SDK1: variants seen among roughly 807,000 people sequenced by gnomAD.
The protein encoded by SDK1 is protein sidekick-1.
Under a neutral mutation model 245.5 loss-of-function variants are expected in SDK1, and 157 were observed. The observed-to-expected ratio is 0.64, with a 90% CI of 0.56 to 0.73. The LOEUF (loss-of-function observed/expected upper bound fraction) is 0.73, where lower values mean the gene tolerates loss of function less well. SDK1 is among the 30% of genes least tolerant of loss of function. The pLI, the probability that SDK1 is intolerant of heterozygous loss-of-function variation, is 0.00. For synonymous variants in SDK1, 1,647 were observed against 1,278.5 expected, an observed-to-expected ratio of 1.29 and a Z score of -6.15; for missense variants, 3,583 against 3,002.3, an observed-to-expected ratio of 1.19 and a Z score of -4.52.
At chr7:3,545,801 G>A (rs1015970658) in intron 1 of SDK1, among the ~76,000 whole-genome samples, 1 of 152,178 alleles carries the variant, frequency 6.6e-6, no homozygotes, top group African/African-American at 2.4e-5. Context: ...AAGCGAAAGG[G>A]TAATCAAATA....
intron 1 of SDK1, among the ~76,000 whole-genome samples, chr7:3,483,547 T>A (rs1781582429): frequency 6.6e-6 from 1 of 152,170 alleles, no homozygotes; most frequent in African/African-American, 2.4e-5. Context: ...GTCTCTAAAT[T>A]TTTATCTTAT....
At chr7:3,589,113 T>C (rs757472398) in intron 1 of SDK1, among the ~76,000 whole-genome samples, 9 of 152,244 alleles carry the variant, frequency 5.9e-5, no homozygotes, top group Non-Finnish European at 1.3e-4. Context: ...ACCCCCTTTT[T>C]AGAGATTTGG....
rs73293132 is a variant in SDK1, at chr7:3,433,331, G to C, written c.298+131447G>C. On this transcript the variant is annotated intron_variant, in intron 1 of 44. Transcript: ENST00000404826. ...AAAGGTGTGTGTTAGTTGATATTTG[G>C]TTTAGTCATTTCGTCTCTTGAGAGG... is the stretch of plus-strand genomic sequence containing the variant. Among the ~76,000 whole-genome samples the C allele has an allele frequency of 9.1e-3, 1,382 of 152,292 alleles. 26 individuals carry two copies. Among genetic ancestry groups the C allele is most frequent in the African/African-American group, 0.031 (1,302 of 41,550 alleles).
At chr7:4,164,411 A>G (rs1469649770) in intron 32 of SDK1, among the ~76,000 whole-genome samples, 1 of 151,736 alleles carries the variant, frequency 6.6e-6, no homozygotes, top group Non-Finnish European at 1.5e-5. Context: ...AGACCCCCAG[A>G]CCCGAGCTTC....
At chr7:3,369,617 G>A (rs879648969) in intron 1 of SDK1, among the ~76,000 whole-genome samples, 3 of 152,166 alleles carry the variant, frequency 2.0e-5, no homozygotes, top group Non-Finnish European at 4.4e-5. Context: ...AGAATAGGAT[G>A]TTGTATATAA....
At chr7:3,328,335 T>G (rs183169630) in intron 1 of SDK1, among the ~76,000 whole-genome samples, 2 of 152,142 alleles carry the variant, frequency 1.3e-5, no homozygotes, top group South Asian at 2.1e-4. Flanking sequence ...TCTACACTTA[T>G]GAGCTCTTAC....
chr7:3,699,399 A>C (rs1386372191), intron 4 of SDK1, among the ~76,000 whole-genome samples: 1 of 152,186 alleles, frequency 6.6e-6, no homozygotes, highest in Non-Finnish European at 1.5e-5. Context: ...AAAAGAGGCC[A>C]TTTCATCAAA....
Position 3,407,835 on chromosome 7 carries a change from C to T in SDK1, c.298+105951C>T, listed in dbSNP as rs538009274. On this transcript the variant is annotated intron_variant, in intron 1 of 44. Coordinates refer to ENST00000404826, the MANE Select transcript of SDK1 (RefSeq NM_152744.4). Reference sequence around the variant, plus strand: ...GGCAGAGAGGGCCTTGAAAACAAATCATTTAACTGCCACTTACTGAGTGAC... The same window carrying T: ...GGCAGAGAGGGCCTTGAAAACAAATTATTTAACTGCCACTTACTGAGTGAC... Among the ~76,000 whole-genome samples the T allele has an allele frequency of 4.6e-5, 7 of 152,220 alleles. No homozygotes were observed. The South Asian group carries it at 1.2e-3, about 27-fold the overall frequency.
At chr7:3,359,036 T>C (rs1780883137) in intron 1 of SDK1, among the ~76,000 whole-genome samples, 1 of 152,172 alleles carries the variant, frequency 6.6e-6, no homozygotes, top group African/African-American at 2.4e-5. Context: ...TCAGGGATTG[T>C]TTTTGGCATT....
At chr7:3,626,164 T>A (rs896703512) in intron 2 of SDK1, among the ~76,000 whole-genome samples, 6 of 151,862 alleles carry the variant, frequency 4.0e-5, no homozygotes, top group Non-Finnish European at 5.9e-5. Flanking sequence ...AGTCTTGAAC[T>A]CCTGGTCTCA....
At chr7:4,152,545 G>A (rs1051978323) in intron 30 of SDK1, among the ~76,000 whole-genome samples, 2 of 152,176 alleles carry the variant, frequency 1.3e-5, no homozygotes, top group Admixed American at 6.5e-5. Flanking sequence ...TCGTGTGTCC[G>A]GGACTTCATG....
chr7:4,154,537 G>A (rs1047605912), intron 30 of SDK1, among the ~76,000 whole-genome samples: 3 of 152,134 alleles, frequency 2.0e-5, no homozygotes, highest in Non-Finnish European at 4.4e-5. Flanking sequence ...ACAAGTGAGG[G>A]CTCCGGGGTG....
intron 35 of SDK1, among the ~76,000 whole-genome samples, chr7:4,182,924 A>G (rs1435546658): frequency 6.6e-6 from 1 of 152,252 alleles, no homozygotes; most frequent in Non-Finnish European, 1.5e-5. Flanking sequence ...CACTGAGCCC[A>G]TGGTATTGCA....
chr7:4,053,644 C>T (rs1159231879), intron 19 of SDK1, among the ~76,000 whole-genome samples: 2 of 152,088 alleles, frequency 1.3e-5, no homozygotes, highest in African/African-American at 4.8e-5. Context: ...CCCTTGGCAG[C>T]CTAGCTTTCT....
At chr7:3,884,591 C>A (rs988507175) in intron 5 of SDK1, among the ~76,000 whole-genome samples, 9 of 152,166 alleles carry the variant, frequency 5.9e-5, no homozygotes, top group Non-Finnish European at 1.5e-5. Context: ...TTGCATCCCC[C>A]ATCTTTGAGC....
In SDK1 at chr7:3,405,678, A is replaced by G. The variant is rs527711092; in HGVS notation, c.298+103794A>G. ...GTTATAAGGAAAGCTCACTTTAGCA[A>G]TAGAGCTGACACAGTAGTAGCAGGT... On this transcript the variant is annotated intron_variant, in intron 1 of 44. Coordinates refer to ENST00000404826, the MANE Select transcript of SDK1 (RefSeq NM_152744.4). Among the ~76,000 whole-genome samples the G allele has an allele frequency of 2.6e-5, 4 of 152,322 alleles. No individual in the cohort carries two copies. In the South Asian group the frequency reaches 6.2e-4, roughly 24 times the overall value.
chr7:3,934,203 G>A (rs1780079928), intron 5 of SDK1, among the ~76,000 whole-genome samples: 1 of 152,164 alleles, frequency 6.6e-6, no homozygotes, highest in African/African-American at 2.4e-5. Flanking sequence ...TTTTAAGGAG[G>A]GGCCATAATT....
intron 5 of SDK1, among the ~76,000 whole-genome samples, chr7:3,895,153 A>G (rs1402465686): frequency 6.6e-6 from 1 of 152,250 alleles, no homozygotes; most frequent in Non-Finnish European, 1.5e-5. Flanking sequence ...TTGCAGTTCA[A>G]GAAAGAAATC....
chr7:4,023,755 G>A (rs866535161), intron 17 of SDK1, among the ~76,000 whole-genome samples: 3 of 152,280 alleles, frequency 2.0e-5, no homozygotes, highest in Middle Eastern at 3.4e-3. Context: ...ATGCTGACTC[G>A]CTGTTTGGCT....
Sources: gnomAD v4.1 joint callset for allele counts (sites outside exome capture counted in the v4.1 genomes callset) on GRCh38, gnomAD v4.1.1 for gene constraint, MANE v1.5 for transcripts, NCBI Gene and HGNC (gene_info 2026-07-23, HGNC 2026-07-21) for gene names.